Variants in NXPH1 observed in about 807,000 individuals in gnomAD.
NXPH1 encodes the protein neurexophilin-1.
Under a neutral mutation model 23.7 loss-of-function variants are expected in NXPH1, and 5 were observed. The observed-to-expected ratio is 0.21, with a 90% CI of 0.11 to 0.44. NXPH1 has a LOEUF of 0.44. NXPH1 is among the 20% of genes least tolerant of loss of function. The probability of loss-of-function intolerance (pLI) is 0.99; values close to 1 mark genes in which losing one functional copy is unlikely to be tolerated. For missense variants in NXPH1, 324 were observed against 321.6 expected, an observed-to-expected ratio of 1.01 and a Z score of -0.06; for synonymous variants, 144 against 122.2, an observed-to-expected ratio of 1.18 and a Z score of -1.18.
chr7:8,603,462 A>T (rs1245521052), intron 2 of NXPH1, among the ~76,000 whole-genome samples: 1 of 152,126 alleles, frequency 6.6e-6, no homozygotes, highest in African/African-American at 2.4e-5. Flanking sequence ...AGATTGAATC[A>T]ATAATTTTGT....
chr7:8,645,837 G>A lies in NXPH1; in HGVS notation c.55-105171G>A, dbSNP rs115895320. The stretch of plus-strand genomic sequence containing the variant: ...AACACCATTATTTCTCCACTGATAA[G>A]CAATTCCACTTGTTATATATCAACT... On this transcript the variant is annotated intron_variant, in intron 2 of 2. Transcript: ENST00000405863. Among the ~76,000 whole-genome samples, 350 of 152,106 alleles carry A rather than the reference G, an allele frequency of 2.3e-3. 4 individuals carry two copies. Among genetic ancestry groups the A allele is most frequent in the African/African-American group, 7.8e-3 (326 of 41,542 alleles).
intron 2 of NXPH1, among the ~76,000 whole-genome samples, chr7:8,451,561 T>C (rs1239756564): frequency 2.0e-5 from 3 of 152,264 alleles, no homozygotes; most frequent in African/African-American, 4.8e-5. Flanking sequence ...CAAAAGCTTT[T>C]GGATTTTGTT....
chr7:8,600,178 G>A (rs7780138), intron 2 of NXPH1, among the ~76,000 whole-genome samples: 142 of 150,490 alleles, frequency 9.4e-4, no homozygotes, highest in African/African-American at 3.1e-3. Flanking sequence ...GTATATACTC[G>A]TTCTGGGGTA....
At chr7:8,506,447 G>A (rs1234888653) in intron 2 of NXPH1, among the ~76,000 whole-genome samples, 8 of 152,054 alleles carry the variant, frequency 5.3e-5, no homozygotes, top group East Asian at 1.9e-4. Flanking sequence ...AAAGATGTTT[G>A]GAGTGCAATT....
At chr7:8,706,643 C>G (rs1429508292) in intron 2 of NXPH1, among the ~76,000 whole-genome samples, 1 of 152,184 alleles carries the variant, frequency 6.6e-6, no homozygotes. Flanking sequence ...CATTCCGACT[C>G]AATGGGTTCA....
chr7:8,664,971 G>T (rs985467292), intron 2 of NXPH1, among the ~76,000 whole-genome samples: 1 of 151,640 alleles, frequency 6.6e-6, no homozygotes, highest in Non-Finnish European at 1.5e-5. Flanking sequence ...CATTCCATAG[G>T]TTATCTCTTC....
intron 2 of NXPH1, among the ~76,000 whole-genome samples, chr7:8,742,744 T>A (rs1339267529): frequency 2.6e-5 from 4 of 152,160 alleles, no homozygotes; most frequent in African/African-American, 9.7e-5. Flanking sequence ...TCTTTTACAT[T>A]TTATTTTATT....
intron 2 of NXPH1, among the ~76,000 whole-genome samples, chr7:8,502,150 C>T (rs1817447690): frequency 6.6e-6 from 1 of 151,994 alleles, no homozygotes; most frequent in South Asian, 2.1e-4. Flanking sequence ...TTCAGCTTCC[C>T]TATCTCAGAA....
chr7:8,684,364 G>A (rs192371084), intron 2 of NXPH1, among the ~76,000 whole-genome samples: 2 of 152,198 alleles, frequency 1.3e-5, no homozygotes, highest in East Asian at 3.9e-4. Context: ...TTTGATATGC[G>A]ATACTTGATG....
At chr7:8,532,470 G>T (rs896206498) in intron 2 of NXPH1, among the ~76,000 whole-genome samples, 49 of 137,376 alleles carry the variant, frequency 3.6e-4, no homozygotes, top group Admixed American at 1.1e-3. Flanking sequence ...ATTTTTTTTG[G>T]GGGGGGGGGA....
intron 2 of NXPH1, among the ~76,000 whole-genome samples, chr7:8,671,945 T>G (rs1484499811): frequency 1.3e-5 from 2 of 152,166 alleles, no homozygotes; most frequent in African/African-American, 4.8e-5. Flanking sequence ...TTGATGGGGT[T>G]GTTTGTTTTT....
chr7:8,705,673 C>A (rs747876556), intron 2 of NXPH1, among the ~76,000 whole-genome samples: 20 of 152,070 alleles, frequency 1.3e-4, no homozygotes, highest in Middle Eastern at 6.3e-3. Flanking sequence ...CAACGTAGCC[C>A]TTTGGACGTG....
intron 2 of NXPH1, among the ~76,000 whole-genome samples, chr7:8,549,914 A>G (rs1224421802): frequency 6.6e-6 from 1 of 151,512 alleles, no homozygotes. Context: ...TTCCCTCTAA[A>G]TTATACTGGT....
chr7:8,556,565 A>T (rs1308812148), intron 2 of NXPH1, among the ~76,000 whole-genome samples: 1 of 151,722 alleles, frequency 6.6e-6, no homozygotes, highest in Non-Finnish European at 1.5e-5. Flanking sequence ...GAAAGTAAAA[A>T]CTAACTGGCC....
chr7:8,457,213 C>T (rs550999258), intron 2 of NXPH1, among the ~76,000 whole-genome samples: 2 of 152,142 alleles, frequency 1.3e-5, no homozygotes, highest in Non-Finnish European at 2.9e-5. Flanking sequence ...ATTCTCTTTA[C>T]TGTGCAACCA....
intron 2 of NXPH1, among the ~76,000 whole-genome samples, chr7:8,608,926 G>GAT (rs113095184): frequency 5.9e-5 from 9 of 152,142 alleles, no homozygotes; most frequent in African/African-American, 1.9e-4. Flanking sequence ...TGAGAACAGG[G>GAT]ATATATACAG....
At chr7:8,455,306 C>A (rs10486222) in intron 2 of NXPH1, among the ~76,000 whole-genome samples, 90,448 of 152,022 alleles carry the variant, frequency 0.59, 29,185 homozygotes, top group East Asian at 0.84. Context: ...CCACTTTAAA[C>A]GACTAATCCT....
chr7:8,547,125 G>GT (rs1818208045), intron 2 of NXPH1, among the ~76,000 whole-genome samples: 1 of 151,376 alleles, frequency 6.6e-6, no homozygotes, highest in Non-Finnish European at 1.5e-5. Context: ...CCAACTAAAT[G>GT]TAACGATTCA....
chr7:8,464,358 C>CA (rs1305394948), intron 2 of NXPH1, among the ~76,000 whole-genome samples: 1 of 152,156 alleles, frequency 6.6e-6, no homozygotes, highest in Non-Finnish European at 1.5e-5. Context: ...TAGTATGCAT[C>CA]TTTTTCAAAT....
Sources: allele counts gnomAD v4.1 joint callset (sites outside exome capture counted in the v4.1 genomes callset), GRCh38; gene constraint gnomAD v4.1.1; transcripts MANE v1.5; gene names NCBI Gene and HGNC (gene_info 2026-07-23, HGNC 2026-07-21).